The following STARD9 variants were observed in gnomAD, a reference collection of about 807,000 sequenced individuals.
The protein encoded by STARD9 is stAR-related lipid transfer protein 9.
Under a neutral mutation model 399.8 loss-of-function variants are expected in STARD9, and 346 were observed. That is an observed-to-expected ratio of 0.87 (90% CI 0.79 to 0.95). STARD9 has a LOEUF of 0.95. Ranked by LOEUF, STARD9 falls within the 40% of genes least tolerant of loss-of-function variation. STARD9 has a pLI of 0.00. For missense variants in STARD9, 5,832 were observed against 5,667.5 expected (o/e 1.03, Z -0.93); for synonymous variants, 2,203 against 2,143.5 (o/e 1.03, Z -0.77).
chr15:42,648,494 T>C (rs2059690092), intron 7 of STARD9, among the ~76,000 whole-genome samples: 1 of 152,192 alleles, frequency 6.6e-6, no homozygotes, highest in African/African-American at 2.4e-5. Flanking sequence ...TAAAGTTCAC[T>C]GAGTACAGAA....
intron 3 of STARD9, among the ~76,000 whole-genome samples, chr15:42,589,593 T>C (rs929670880): frequency 6.6e-6 from 1 of 152,086 alleles, no homozygotes; most frequent in Non-Finnish European, 1.5e-5. Flanking sequence ...TTGCGTGATG[T>C]ATTTGAGATT....
At chr15:42,609,972 A>G (rs1394681239) in intron 3 of STARD9, among the ~76,000 whole-genome samples, 1 of 152,044 alleles carries the variant, frequency 6.6e-6, no homozygotes, top group Non-Finnish European at 1.5e-5. Context: ...GGGCTCCTGT[A>G]ATCCCAGCTA....
chr15:42,654,169 C>T (rs2059818419), intron 9 of STARD9, among the ~76,000 whole-genome samples: 2 of 151,930 alleles, frequency 1.3e-5, no homozygotes, highest in South Asian at 4.1e-4. Context: ...CAGTTAAAGG[C>T]AGTGGAGGAA....
chr15:42,694,795 GA>G, intron 24 of STARD9, 70 bp downstream of exon 24: 15 of 1,181,106 alleles, frequency 1.3e-5, no homozygotes, highest in Admixed American at 2.4e-5. Flanking sequence ...AGCAGGAGCT[GA>G]AGTTTTAGCA....
Position 42,619,442 on chromosome 15 carries a change from G to A in STARD9, c.235-15414G>A, listed in dbSNP as rs535463083. On this transcript the variant is annotated intron_variant, in intron 3 of 32. Transcript: ENST00000290607. ...TAGCCGGGCATGGTGGCACACATCT[G>A]TAGTCCCAGCTACTTGAGTAGCTGA... is the stretch of plus-strand genomic sequence containing the variant. Among the ~76,000 whole-genome samples, 3 of 151,854 alleles carry A rather than the reference G, an allele frequency of 2.0e-5. No homozygotes were observed. In the East Asian group the frequency reaches 5.8e-4, roughly 29 times the overall value.
At chr15:42,657,840 T>C (rs1440465977) in intron 9 of STARD9, among the ~76,000 whole-genome samples, 1 of 152,230 alleles carries the variant, frequency 6.6e-6, no homozygotes, top group Admixed American at 6.5e-5. Context: ...GGCAACTGAT[T>C]TTTAATAAAG....
chr15:42,672,034 A>G (rs887193665), intron 16 of STARD9: 3 of 152,206 alleles, frequency 2.0e-5, no homozygotes, highest in Admixed American at 6.5e-5. Flanking sequence ...TGAGATTTTA[A>G]TCTACTTCTA....
In STARD9 at chr15:42,687,284, T is replaced by C. The variant is rs937256199; in HGVS notation, c.5706T>C (p.Thr1902=). 9 of 1,536,720 alleles carry C rather than the reference T, an allele frequency of 5.9e-6. No individual in the cohort carries two copies. The highest frequency in any genetic ancestry group is 7.8e-6 in the Non-Finnish European group (9 of 1,146,892). The change falls in exon 23 of 33, where the codon ACT becomes ACC. Residue 1902 remains threonine (T), a synonymous_variant. Coordinates refer to ENST00000290607, the MANE Select transcript of STARD9 (RefSeq NM_020759.3). The part of the protein sequence containing the change: ...QSCCGASSDS[T]ESGKSLLFRE... ...GTTGCGGTGCTTCCTCAGACAGCACTGAGTCTGGGAAGTCTCTCCTCTTTC... is the reference window on the plus strand; with the variant it reads ...GTTGCGGTGCTTCCTCAGACAGCACCGAGTCTGGGAAGTCTCTCCTCTTTC...
rs764153494 is a variant in STARD9 at position 42,575,714 on chromosome 15, G to C, written c.-2G>C. 2.0e-6 allele frequency: 3 copies of C among 1,536,424 alleles called. No homozygotes were observed. Among genetic ancestry groups the C allele is most frequent in the South Asian group, 2.4e-5 (2 of 84,052 alleles). The stretch of plus-strand genomic sequence containing the variant: ...CCGCTGGACTTGGGTTGTGGCAGAC[G>C]GATGGCGAACGTGCAGGTCGCCGTG... On this transcript the variant is annotated 5_prime_UTR_variant, in exon 1 of 33. Coordinates refer to ENST00000290607, the MANE Select transcript of STARD9 (RefSeq NM_020759.3).
intron 9 of STARD9, 141 bp from the exon 10 acceptor site, chr15:42,661,017 C>A (rs548123281): frequency 6.6e-5 from 38 of 572,472 alleles, no homozygotes; most frequent in Non-Finnish European, 9.9e-5. Context: ...TGAGAGCTCA[C>A]CTGGTTTACA....
chr15:42,642,846 C>T (rs1056472006), intron 7 of STARD9, among the ~76,000 whole-genome samples: 8 of 152,152 alleles, frequency 5.3e-5, no homozygotes, highest in African/African-American at 7.2e-5. Context: ...TCATCCAGGC[C>T]GGAGTGCAGT....
rs572378116 is a variant in STARD9 at position 42,696,655 on chromosome 15, A to G, written c.13284+775A>G. On this transcript the variant is annotated intron_variant, in intron 26 of 32. Transcript: ENST00000290607. ...GGGAGACCTCCTAGATGACCACGGC[A>G]GAGCTGAGAGAGATGATTGCTTGCT... Among the ~76,000 whole-genome samples the G allele has an allele frequency of 3.1e-4, 47 of 152,340 alleles. 1 individual carries two copies. The highest frequency in any genetic ancestry group is 1.1e-3 in the African/African-American group (44 of 41,570).
At chr15:42,644,414 A>G (rs1397088694) in intron 7 of STARD9, among the ~76,000 whole-genome samples, 1 of 152,024 alleles carries the variant, frequency 6.6e-6, no homozygotes, top group Admixed American at 6.6e-5. Flanking sequence ...AATGGCATGA[A>G]CCCGGGAGGC....
chr15:42,620,383 A>G (rs2059064553), intron 3 of STARD9, among the ~76,000 whole-genome samples: 2 of 151,746 alleles, frequency 1.3e-5, no homozygotes. Context: ...CCAGAGGCTG[A>G]GGCAGGAGGG....
intron 7 of STARD9, among the ~76,000 whole-genome samples, chr15:42,649,930 G>T (rs1045314968): frequency 6.8e-6 from 1 of 146,902 alleles, no homozygotes; most frequent in African/African-American, 2.5e-5. Flanking sequence ...GCAATGGCGC[G>T]ATCTCGACTC....
In STARD9 at chr15:42,686,553, G is replaced by T. The variant is rs1162644748; in HGVS notation, c.4975G>T (p.Val1659Phe). The T allele has an allele frequency of 2.5e-5, 39 of 1,537,560 alleles. No individual in the cohort carries two copies. The highest frequency in any genetic ancestry group is 3.3e-5 in the Non-Finnish European group (38 of 1,147,020). Reference sequence around the variant, plus strand: ...CCAGAAGAACGCTTGTCACAGTAATGTCACTACAGCCACCAAAGCAGACCA... The same window carrying T: ...CCAGAAGAACGCTTGTCACAGTAATTTCACTACAGCCACCAAAGCAGACCA... ...FFQKNACHSN[V>F]TTATKADHWS... The change falls in exon 23 of 33, where the codon GTC becomes TTC. Residue 1659 changes from valine (V) to phenylalanine (F), a missense_variant. This residue lies in a region of STARD9 where 5,828 missense variants were observed against 5,651.1 expected (regional missense o/e 1.03). Coordinates refer to ENST00000290607, the MANE Select transcript of STARD9 (RefSeq NM_020759.3).
chr15:42,667,709 T>C (rs563033349), intron 15 of STARD9, among the ~76,000 whole-genome samples: 1 of 148,552 alleles, frequency 6.7e-6, no homozygotes, highest in South Asian at 2.1e-4. Flanking sequence ...AAACTCCTGA[T>C]CTCAGGTGAT....
rs1372468146 is a variant in STARD9 at position 42,693,356 on chromosome 15, C to T, written c.11778C>T (p.His3926=). The T allele has an allele frequency of 2.6e-6, 4 of 1,537,092 alleles. No homozygotes were observed. In the Admixed American group the frequency reaches 7.8e-5, roughly 30 times the overall value. The change falls in exon 23 of 33, where the codon CAC becomes CAT. Residue 3926 remains histidine (H), a synonymous_variant. Transcript: ENST00000290607. The part of the protein sequence containing the change: ...GSLTLSAPST[H]PVEGHQKLDS... ...TGACCCTCTCAGCCCCTTCAACTCA[C>T]CCTGTTGAAGGCCACCAGAAGCTTG...
chr15:42,670,416 G>T (rs1173564104), intron 16 of STARD9: 1 of 152,218 alleles, frequency 6.6e-6, no homozygotes, highest in African/African-American at 2.4e-5. Flanking sequence ...GATTGAAGTG[G>T]TTTTGAGAGT....
Sources: allele counts gnomAD v4.1 joint callset (sites outside exome capture counted in the v4.1 genomes callset), GRCh38; gene constraint gnomAD v4.1.1; regional missense constraint gnomAD v4.1.1; transcripts MANE v1.5; gene names NCBI Gene and HGNC (gene_info 2026-07-23, HGNC 2026-07-21).